Variants in BCR observed in about 807,000 individuals in gnomAD.
The protein encoded by BCR is breakpoint cluster region protein.
A neutral mutation model predicts 138.6 loss-of-function variants in BCR; 58 were observed. The observed-to-expected ratio is 0.42, with a 90% CI of 0.34 to 0.52. The LOEUF is 0.52. BCR is among the 20% of genes least tolerant of loss of function. BCR has a pLI of 0.06. For synonymous variants in BCR, 786 were observed against 730.1 expected, an observed-to-expected ratio of 1.08 and a Z score of -1.23; for missense variants, 1,599 against 1,727.2, an observed-to-expected ratio of 0.93 and a Z score of 1.32.
chr22:23,277,838 T>C (rs2073596916), intron 8 of BCR, among the ~76,000 whole-genome samples: 1 of 152,188 alleles, frequency 6.6e-6, no homozygotes, highest in South Asian at 2.1e-4. Context: ...ACAGTGACTT[T>C]GGGCTGCATT....
chr22:23,296,764 C>T (rs2073849814), intron 16 of BCR, among the ~76,000 whole-genome samples: 1 of 152,168 alleles, frequency 6.6e-6, no homozygotes, highest in African/African-American at 2.4e-5. Context: ...CAACATAGAC[C>T]CCTGTCTAAA....
intron 1 of BCR, among the ~76,000 whole-genome samples, chr22:23,239,354 A>T (rs968068086): frequency 2.0e-5 from 3 of 152,168 alleles, no homozygotes; most frequent in Admixed American, 2.0e-4. Flanking sequence ...GTCTGGGGTC[A>T]ATCTGTAATA....
intron 8 of BCR, 34 bp downstream of exon 8, chr22:23,273,808 A>G: frequency 6.2e-7 from 1 of 1,612,094 alleles, no homozygotes; most frequent in Non-Finnish European, 8.5e-7. Context: ...GGGTCCACCC[A>G]TCCTGCTGAG....
chr22:23,309,134 T>C (rs2073980384), intron 16 of BCR, among the ~76,000 whole-genome samples: 1 of 151,596 alleles, frequency 6.6e-6, no homozygotes, highest in African/African-American at 2.4e-5. Flanking sequence ...GGAAGCCGGA[T>C]GGAGAGAGCC....
chr22:23,290,562 C>G, intron 14 of BCR, 149 bp downstream of exon 14: 2 of 787,722 alleles, frequency 2.5e-6, no homozygotes, highest in South Asian at 1.5e-5. Context: ...AGTGTTTGTG[C>G]TGGTTGATGC....
intron 1 of BCR, among the ~76,000 whole-genome samples, chr22:23,231,379 G>C (rs531618852): frequency 1.4e-4 from 22 of 152,048 alleles, no homozygotes; most frequent in Admixed American, 4.6e-4. Flanking sequence ...GGTAGTGCAC[G>C]CCTGTAGTCC....
At chr22:23,256,727 C>T (rs932993428) in intron 2 of BCR, among the ~76,000 whole-genome samples, 17 of 152,166 alleles carry the variant, frequency 1.1e-4, no homozygotes, top group Admixed American at 3.9e-4. Context: ...GGCCTCTTTG[C>T]ACTCTGCCCT....
intron 1 of BCR, among the ~76,000 whole-genome samples, chr22:23,232,465 G>C (rs941431192): frequency 3.9e-5 from 6 of 152,212 alleles, no homozygotes; most frequent in African/African-American, 1.4e-4. Flanking sequence ...GGGACCTCAG[G>C]CCTGTCAGAG....
chr22:23,187,499 CTT>C (rs1555959911), intron 1 of BCR, among the ~76,000 whole-genome samples: 10 of 140,604 alleles, frequency 7.1e-5, no homozygotes, highest in Admixed American at 1.4e-4. Flanking sequence ...CTCTCTCTCT[CTT>C]TTTTTTTTTT....
chr22:23,290,495 G>A, intron 14 of BCR, 82 bp downstream of exon 14: 2 of 1,411,284 alleles, frequency 1.4e-6, no homozygotes, highest in African/African-American at 1.4e-5. Flanking sequence ...CAGGGTGTGG[G>A]GAAACAGGGA....
Position 23,295,237 on chromosome 22 carries a change from T to A in BCR, c.3012+82T>A, listed in dbSNP as rs116564840. ...GCCCCTGGGGACACTGAGATGGTCA[T>A]GGCCTTGCACCCAGGGTGGGGTGGG... is the stretch of plus-strand genomic sequence containing the variant. On this transcript the variant is annotated intron_variant, in intron 16 of 22. Transcript: ENST00000305877. 3.5e-4 allele frequency: 231 copies of A among 660,166 alleles called. 1 individual carries two copies. The African/African-American group carries it at 3.9e-3, about 11-fold the overall frequency. The allele number at this position is 660,166 out of a possible 1,614,324, so 40.9% of individuals were successfully genotyped here. A position where few individuals can be genotyped will look rare whatever the true frequency, so the allele number is the denominator to read the frequency against.
At chr22:23,301,794 C>T (rs1229927701) in intron 16 of BCR, among the ~76,000 whole-genome samples, 2 of 152,320 alleles carry the variant, frequency 1.3e-5, no homozygotes, top group East Asian at 3.9e-4. Flanking sequence ...GGAAGCCTTC[C>T]ATGACTAGGG....
chr22:23,290,531 C>T (rs2073773929), intron 14 of BCR, 118 bp downstream of exon 14: 2 of 1,034,254 alleles, frequency 1.9e-6, no homozygotes, highest in East Asian at 2.4e-5. Flanking sequence ...CACGGGACAC[C>T]TTTGACCCTG....
intron 1 of BCR, among the ~76,000 whole-genome samples, chr22:23,227,168 G>A (rs113074205): frequency 2.0e-5 from 3 of 152,206 alleles, no homozygotes; most frequent in African/African-American, 7.2e-5. Flanking sequence ...TTGAGGAGGT[G>A]GATTTTTACA....
chr22:23,291,429 C>T (rs1288500656), intron 14 of BCR, among the ~76,000 whole-genome samples: 2 of 152,046 alleles, frequency 1.3e-5, no homozygotes, highest in Non-Finnish European at 2.9e-5. Flanking sequence ...GGATGAATTA[C>T]ATGACATGCA....
intron 10 of BCR, among the ~76,000 whole-genome samples, chr22:23,286,648 T>C (rs1165166347): frequency 1.3e-5 from 2 of 152,150 alleles, no homozygotes; most frequent in Non-Finnish European, 2.9e-5. Context: ...TCCCCAGGGA[T>C]AGTGGCTTCT....
In BCR at chr22:23,273,077, A is replaced by G; in HGVS notation, c.1922-4A>G. 1 of 1,612,646 alleles carries G rather than the reference A, an allele frequency of 6.2e-7. No individual in the cohort carries two copies. The highest frequency in any genetic ancestry group is 1.1e-5 in the South Asian group (1 of 91,042). On this transcript the variant is annotated splice_region_variant and splice_polypyrimidine_tract_variant and intron_variant, in intron 6 of 22. Transcript: ENST00000305877. ...CCTCTCTCACCTCCCCTCTCTCTCC[A>G]CAGCTCTGCTCTACAAGCCTGTGGA...
chr22:23,310,893 C>CTG (rs2073999878), intron 18 of BCR, among the ~76,000 whole-genome samples: 1 of 151,076 alleles, frequency 6.6e-6, no homozygotes, highest in African/African-American at 2.4e-5. Flanking sequence ...GGGCCTCCAT[C>CTG]AGTCATACCC....
chr22:23,255,284 T>C (rs2073280581), intron 2 of BCR, among the ~76,000 whole-genome samples: 2 of 152,220 alleles, frequency 1.3e-5, no homozygotes, highest in Admixed American at 1.3e-4. Flanking sequence ...ACCTGCTCCG[T>C]GCAGCACACA....
Sources: allele counts gnomAD v4.1 joint callset (sites outside exome capture counted in the v4.1 genomes callset), GRCh38; gene constraint gnomAD v4.1.1; transcripts MANE v1.5; gene names NCBI Gene and HGNC (gene_info 2026-07-23, HGNC 2026-07-21).